MAGI1: variants seen among roughly 807,000 people sequenced by gnomAD.
The protein encoded by MAGI1 is membrane-associated guanylate kinase, WW and PDZ domain-containing protein 1.
In MAGI1, 58 loss-of-function variants were observed where a neutral mutation model predicts 139.9. The ratio of observed to expected loss-of-function variants is 0.41; its 90% CI spans 0.34 to 0.52. The LOEUF (loss-of-function observed/expected upper bound fraction) is 0.52. Ranked by LOEUF, MAGI1 falls within the 20% of genes least tolerant of loss-of-function variation. The pLI, the probability that MAGI1 is intolerant of heterozygous loss-of-function variation, is 0.12. For missense variants in MAGI1, 1,874 were observed against 1,901.6 expected, an observed-to-expected ratio of 0.99 and a Z score of 0.27; for synonymous variants, 812 against 737.9, an observed-to-expected ratio of 1.10 and a Z score of -1.63.
chr3:65,363,603 T>TTGC lies in MAGI1; in HGVS notation c.3354_3356dup (p.Gln1119dup). The TTGC allele has an allele frequency of 6.2e-7, 1 of 1,612,690 alleles. No individual in the cohort carries two copies. Among genetic ancestry groups the TTGC allele is most frequent in the Non-Finnish European group, 8.5e-7 (1 of 1,179,558 alleles). On this transcript the variant is annotated inframe_insertion, in exon 21 of 23. Coordinates refer to ENST00000402939, the MANE Select transcript of MAGI1 (RefSeq NM_001033057.2). ...TTTCCAGTTCCACAGTGTAAAAATC[T>TTGC]TGCTCCTATTTAAAGAAATTAAATG...
intron 13 of MAGI1, among the ~76,000 whole-genome samples, chr3:65,394,572 G>A (rs1351031434): frequency 1.3e-5 from 2 of 152,028 alleles, no homozygotes; most frequent in South Asian, 2.1e-4. Context: ...TCCTTCTCAA[G>A]TTCAATTATG....
At chr3:65,858,931 T>C (rs1038549509) in intron 1 of MAGI1, among the ~76,000 whole-genome samples, 6 of 152,158 alleles carry the variant, frequency 3.9e-5, no homozygotes, top group Admixed American at 3.9e-4. Flanking sequence ...CCACCATAAG[T>C]ATAATTGGAG....
intron 1 of MAGI1, among the ~76,000 whole-genome samples, chr3:65,706,091 T>G (rs1054916197): frequency 1.3e-5 from 2 of 152,118 alleles, no homozygotes; most frequent in Non-Finnish European, 2.9e-5. Flanking sequence ...TCCAATTAAT[T>G]TTTTTTTCTA....
intron 1 of MAGI1, chr3:65,718,361 G>C (rs981880275): frequency 6.6e-6 from 1 of 152,190 alleles, no homozygotes; most frequent in Non-Finnish European, 1.5e-5. Flanking sequence ...CACAGAACGT[G>C]TTTCCAGCAC....
At chr3:65,684,485 G>A (rs913049303) in intron 1 of MAGI1, among the ~76,000 whole-genome samples, 5 of 152,196 alleles carry the variant, frequency 3.3e-5, no homozygotes, top group East Asian at 1.9e-4. Flanking sequence ...AATTGAAGAC[G>A]GATTAGTGGT....
chr3:65,927,913 C>A (rs2062601912), intron 1 of MAGI1, among the ~76,000 whole-genome samples: 1 of 152,154 alleles, frequency 6.6e-6, no homozygotes, highest in South Asian at 2.1e-4. Flanking sequence ...ATGTCCTTTT[C>A]AGAAAAAGCA....
chr3:65,633,380 A>T (rs1395405708), intron 1 of MAGI1, among the ~76,000 whole-genome samples: 1 of 152,066 alleles, frequency 6.6e-6, no homozygotes, highest in Non-Finnish European at 1.5e-5. Context: ...CAAAAAAGAA[A>T]CGTGTGGTGA....
chr3:66,015,484 T>C (rs2067584626), intron 1 of MAGI1, among the ~76,000 whole-genome samples: 1 of 152,100 alleles, frequency 6.6e-6, no homozygotes, highest in African/African-American at 2.4e-5. Context: ...TTAACTCCTC[T>C]GTGCCTCAAT....
intron 1 of MAGI1, among the ~76,000 whole-genome samples, chr3:66,032,136 G>A (rs1485790319): frequency 6.6e-6 from 1 of 152,102 alleles, no homozygotes; most frequent in African/African-American, 2.4e-5. Flanking sequence ...TGTTGCAAGT[G>A]GCCTAGTTGC....
At chr3:65,460,883 C>G (rs548067074) in intron 5 of MAGI1, among the ~76,000 whole-genome samples, 1 of 152,214 alleles carries the variant, frequency 6.6e-6, no homozygotes, top group African/African-American at 2.4e-5. Context: ...TGAACTCATT[C>G]TTTCTTATGG....
intron 2 of MAGI1, among the ~76,000 whole-genome samples, chr3:65,595,820 G>C (rs2082165532): frequency 6.8e-6 from 1 of 146,886 alleles, no homozygotes; most frequent in Admixed American, 6.8e-5. Flanking sequence ...GGTGGGTAGG[G>C]TGGGTAGGGT....
chr3:65,574,760 G>A (rs1287047480), intron 2 of MAGI1, among the ~76,000 whole-genome samples: 1 of 152,040 alleles, frequency 6.6e-6, no homozygotes, highest in Admixed American at 6.6e-5. Context: ...AAAGAAAGGT[G>A]AGTATATGAG....
chr3:65,852,063 G>T (rs74873307), intron 1 of MAGI1, among the ~76,000 whole-genome samples: 3 of 152,196 alleles, frequency 2.0e-5, no homozygotes, highest in Non-Finnish European at 4.4e-5. Flanking sequence ...GAAGGCTCAA[G>T]GAATTGTGGG....
intron 2 of MAGI1, among the ~76,000 whole-genome samples, chr3:65,506,131 T>C (rs1384931939): frequency 5.3e-5 from 8 of 152,094 alleles, no homozygotes; most frequent in African/African-American, 1.9e-4. Flanking sequence ...ACAACCAGAT[T>C]TGGTGAGTTC....
At chr3:65,476,062 G>A (rs2177684) in intron 4 of MAGI1, among the ~76,000 whole-genome samples, 57,468 of 151,320 alleles carry the variant, frequency 0.38, 11,300 homozygotes, top group African/African-American at 0.44. Context: ...GTCACTTTAC[G>A]TGCAAACTGG....
chr3:65,898,009 A>T (rs932087937), intron 1 of MAGI1, among the ~76,000 whole-genome samples: 7 of 152,324 alleles, frequency 4.6e-5, no homozygotes, highest in Admixed American at 2.0e-4. Context: ...CCCTAAAATT[A>T]ACTTGCAGTC....
At chr3:65,861,282 TTAAG>T (rs2059547985) in intron 1 of MAGI1, among the ~76,000 whole-genome samples, 1 of 152,192 alleles carries the variant, frequency 6.6e-6, no homozygotes, top group Non-Finnish European at 1.5e-5. Context: ...TGATTTTTAA[TTAAG>T]TTTTGAATTT....
chr3:65,666,235 A>G (rs2086513087), intron 1 of MAGI1, among the ~76,000 whole-genome samples: 1 of 152,220 alleles, frequency 6.6e-6, no homozygotes, highest in Admixed American at 6.5e-5. Flanking sequence ...TGCATTCACA[A>G]TGTACTATTA....
intron 1 of MAGI1, among the ~76,000 whole-genome samples, chr3:65,769,555 C>A (rs187981652): frequency 3.2e-4 from 49 of 152,240 alleles, no homozygotes; most frequent in African/African-American, 1.1e-3. Context: ...AATAAACAGT[C>A]CCAGGCCCCA....
Sources: gnomAD v4.1 joint callset for allele counts (sites outside exome capture counted in the v4.1 genomes callset) on GRCh38, gnomAD v4.1.1 for gene constraint, MANE v1.5 for transcripts, NCBI Gene and HGNC (gene_info 2026-07-23, HGNC 2026-07-21) for gene names.